FSTL5: variants seen among roughly 807,000 people sequenced by gnomAD.
FSTL5 encodes the protein follistatin-related protein 5.
Under a neutral mutation model 89.1 loss-of-function variants are expected in FSTL5, and 62 were observed. The observed-to-expected ratio is 0.70, with a 90% CI of 0.57 to 0.86. The LOEUF (loss-of-function observed/expected upper bound fraction) is 0.86. Ranked by LOEUF, FSTL5 falls within the 40% of genes least tolerant of loss-of-function variation. The pLI, the probability that FSTL5 is intolerant of heterozygous loss-of-function variation, is 0.00. For missense variants in FSTL5, 1,057 were observed against 1,001.6 expected (o/e 1.06, Z -0.75); for synonymous variants, 383 against 346.2 (o/e 1.11, Z -1.18).
intron 8 of FSTL5, among the ~76,000 whole-genome samples, chr4:161,574,420 T>C (rs1470837045): frequency 3.3e-5 from 5 of 151,740 alleles, no homozygotes. Flanking sequence ...TAGTTATACA[T>C]GTGCCAGCGT....
chr4:161,750,270 A>G (rs1180768443), intron 6 of FSTL5, among the ~76,000 whole-genome samples: 1 of 152,198 alleles, frequency 6.6e-6, no homozygotes, highest in Non-Finnish European at 1.5e-5. Flanking sequence ...CTAATGTTAC[A>G]CTGTCCAAGA....
chr4:161,735,779 A>G (rs1425371580), intron 6 of FSTL5, among the ~76,000 whole-genome samples: 1 of 152,178 alleles, frequency 6.6e-6, no homozygotes, highest in Non-Finnish European at 1.5e-5. Context: ...CTTTAACCAA[A>G]TGTACAGACT....
chr4:161,460,938 T>C (rs1456397659), intron 13 of FSTL5, among the ~76,000 whole-genome samples: 1 of 151,836 alleles, frequency 6.6e-6, no homozygotes, highest in Non-Finnish European at 1.5e-5. Context: ...AGTGGTCACA[T>C]TGCATACTCT....
intron 3 of FSTL5, among the ~76,000 whole-genome samples, chr4:161,924,811 A>AGCT (rs1157580786): frequency 2.0e-5 from 3 of 151,906 alleles, no homozygotes; most frequent in African/African-American, 7.2e-5. Context: ...TTTTGAAGTT[A>AGCT]GCTGCCTTTA....
At chr4:162,153,530 C>T (rs565887423) in intron 1 of FSTL5, among the ~76,000 whole-genome samples, 1 of 149,382 alleles carries the variant, frequency 6.7e-6, no homozygotes, top group Non-Finnish European at 1.5e-5. Flanking sequence ...TGAAAGGGTA[C>T]CTGAAACAGC....
At chr4:161,571,978 C>G (rs933439859) in intron 8 of FSTL5, among the ~76,000 whole-genome samples, 1 of 152,098 alleles carries the variant, frequency 6.6e-6, no homozygotes, top group Non-Finnish European at 1.5e-5. Flanking sequence ...ATTTCCTCTT[C>G]TTTTTTAAAT....
At chr4:161,433,368 T>TA (rs998948442) in intron 15 of FSTL5, among the ~76,000 whole-genome samples, 5 of 151,902 alleles carry the variant, frequency 3.3e-5, no homozygotes, top group Non-Finnish European at 5.9e-5. Context: ...CCTTTATGAT[T>TA]AAAAAAACCC....
chr4:161,416,132 A>T (rs1433639505), intron 15 of FSTL5, among the ~76,000 whole-genome samples: 1 of 152,138 alleles, frequency 6.6e-6, no homozygotes, highest in Non-Finnish European at 1.5e-5. Flanking sequence ...TGCAACACAT[A>T]ATTTTGTCGT....
At chr4:161,441,190 A>T (rs1214748405) in intron 15 of FSTL5, among the ~76,000 whole-genome samples, 2 of 152,112 alleles carry the variant, frequency 1.3e-5, no homozygotes, top group Non-Finnish European at 2.9e-5. Context: ...TGATTGACAA[A>T]CAGACAAACA....
chr4:161,827,136 C>T (rs1341309699), intron 4 of FSTL5, among the ~76,000 whole-genome samples: 1 of 152,082 alleles, frequency 6.6e-6, no homozygotes, highest in Non-Finnish European at 1.5e-5. Context: ...TTCTTTTGTC[C>T]CACAGGGTGC....
chr4:161,936,801 C>T (rs1408248949), intron 3 of FSTL5, among the ~76,000 whole-genome samples: 1 of 152,122 alleles, frequency 6.6e-6, no homozygotes, highest in Admixed American at 6.6e-5. Flanking sequence ...CAGCCCTCTA[C>T]CACAGTGCAT....
intron 7 of FSTL5, among the ~76,000 whole-genome samples, chr4:161,593,246 T>A (rs115726046): frequency 0.031 from 4,675 of 152,166 alleles, 236 homozygotes; most frequent in African/African-American, 0.1. Flanking sequence ...GTGATTTTTT[T>A]AAAAATATTT....
At chr4:162,002,816 C>G (rs771810068) in intron 3 of FSTL5, among the ~76,000 whole-genome samples, 1 of 151,322 alleles carries the variant, frequency 6.6e-6, no homozygotes, top group African/African-American at 2.4e-5. Flanking sequence ...ATGTATGACT[C>G]TAATTTTGCT....
chr4:161,856,550 G>C (rs973724016), intron 4 of FSTL5, among the ~76,000 whole-genome samples: 1 of 151,746 alleles, frequency 6.6e-6, no homozygotes, highest in African/African-American at 2.4e-5. Flanking sequence ...AGATACAAAA[G>C]TGAAAAAAGC....
intron 4 of FSTL5, among the ~76,000 whole-genome samples, chr4:161,782,295 T>G (rs1379534342): frequency 6.6e-6 from 1 of 152,140 alleles, no homozygotes; most frequent in Non-Finnish European, 1.5e-5. Context: ...TAAGAATATA[T>G]TTAGTTTTGT....
Position 161,481,065 on chromosome 4 carries a change from C to CA in FSTL5, c.1562dup (p.Leu521PhefsTer8). Reference sequence around the variant, plus strand: ...GCACATCAACAATAAGGACTCTGTCCAAAGTTGGCTGTGCAACATAAATGA... The same window carrying CA: ...GCACATCAACAATAAGGACTCTGTCCAAAAGTTGGCTGTGCAACATAAATGA... On this transcript the variant is annotated frameshift_variant, in exon 13 of 16. Coordinates refer to ENST00000306100, the MANE Select transcript of FSTL5 (RefSeq NM_020116.5). LOFTEE classifies it high-confidence loss of function. The CA allele has an allele frequency of 6.2e-7, 1 of 1,612,872 alleles. No individual in the cohort carries two copies.
intron 15 of FSTL5, among the ~76,000 whole-genome samples, chr4:161,401,060 T>C (rs973317873): frequency 6.6e-6 from 1 of 152,172 alleles, no homozygotes; most frequent in African/African-American, 2.4e-5. Context: ...TGCAATTTAG[T>C]GACTGAACTT....
At chr4:162,008,616 T>C (rs995130234) in intron 3 of FSTL5, among the ~76,000 whole-genome samples, 1 of 151,906 alleles carries the variant, frequency 6.6e-6, no homozygotes, top group Non-Finnish European at 1.5e-5. Flanking sequence ...ACTGAGCTCA[T>C]ATTATTCAGG....
chr4:161,699,962 G>A (rs936071550), intron 6 of FSTL5, among the ~76,000 whole-genome samples: 1 of 152,144 alleles, frequency 6.6e-6, no homozygotes, highest in African/African-American at 2.4e-5. Context: ...TCTGTTATCT[G>A]TTTAAGTGTT....
Sources: gnomAD v4.1 joint callset for allele counts (sites outside exome capture counted in the v4.1 genomes callset) on GRCh38, gnomAD v4.1.1 for gene constraint, MANE v1.5 for transcripts, NCBI Gene and HGNC (gene_info 2026-07-23, HGNC 2026-07-21) for gene names.